DNMT3A: variants seen among roughly 807,000 people sequenced by gnomAD.
DNMT3A encodes the protein DNA methyltransferase 3 alpha, also known as DNA (cytosine-5)-methyltransferase 3A.
Under a neutral mutation model 117.6 loss-of-function variants are expected in DNMT3A, and 267 were observed. The ratio of observed to expected loss-of-function variants is 2.27; its 90% CI spans 2.05 to 2.51. The LOEUF (loss-of-function observed/expected upper bound fraction) is 2.51, where lower values mean the gene tolerates loss of function less well. DNMT3A is among the 30% of genes most tolerant of loss of function. The pLI is 0.00. For synonymous variants in DNMT3A, 432 were observed against 474.8 expected (o/e 0.91, Z 1.17); for missense variants, 1,029 against 1,260.2 (o/e 0.82, Z 2.78).
intron 1 of DNMT3A, among the ~76,000 whole-genome samples, chr2:25,325,145 G>T (rs937767812): frequency 6.6e-6 from 1 of 152,120 alleles, no homozygotes; most frequent in African/African-American, 2.4e-5. Flanking sequence ...GTGAGCGGGG[G>T]GGGGATTTAT....
rs1349397583 is a variant in DNMT3A at position 25,230,409 on chromosome 2, A to C, written c.*3870T>G. The C allele has an allele frequency of 2.0e-5, 3 of 152,230 alleles. No homozygotes were observed. The highest frequency in any genetic ancestry group is 7.2e-5 in the African/African-American group (3 of 41,440). 9.4% of individuals were successfully genotyped at this position (152,230 alleles called of 1,614,324 possible). A position where few individuals can be genotyped will look rare whatever the true frequency, so the allele number is the denominator to read the frequency against. ...GGCAAGAGCCACGGATCTCTTTGGC[A>C]TCATGCGCCACCTGGCACCTGCAGG... On this transcript the variant is annotated 3_prime_UTR_variant, in exon 23 of 23. Transcript: ENST00000321117.
intron 6 of DNMT3A, among the ~76,000 whole-genome samples, chr2:25,263,340 A>G (rs1676768164): frequency 6.6e-6 from 1 of 152,086 alleles, no homozygotes. Context: ...CTCTTTACAC[A>G]GGAGCACAGA....
intron 3 of DNMT3A, among the ~76,000 whole-genome samples, 195 bp downstream of exon 3, chr2:25,299,940 GTAAA>G (rs2033334224): frequency 6.6e-6 from 1 of 151,984 alleles, no homozygotes; most frequent in Non-Finnish European, 1.5e-5. Flanking sequence ...CAGTAAAAAA[GTAAA>G]TAAATAAATA....
chr2:25,275,223 G>T, intron 5 of DNMT3A, 136 bp from the exon 6 acceptor site: 2 of 1,300,348 alleles, frequency 1.5e-6, no homozygotes, highest in Non-Finnish European at 2.0e-6. Context: ...GGCAGGCCCC[G>T]TGTGGGCTGG....
chr2:25,275,412 C>CCCCCCCCCCCCCCCCCCCA, intron 5 of DNMT3A, 88 bp downstream of exon 5: 1 of 1,407,048 alleles, frequency 7.1e-7, no homozygotes, highest in South Asian at 1.3e-5. Context: ...GAGGAGGGGC[C>CCCCCCCCCCCCCCCCCCCA]CACCCTCCGC....
chr2:25,339,148 G>A lies in DNMT3A; in HGVS notation c.-178+2678C>T, dbSNP rs1241503576. ...GGAAGCCTTCCCCTATTACTGCCAT[G>A]TGCCGAAAAACAGACCACCCTGTCC... On this transcript the variant is annotated intron_variant, in intron 1 of 22. Transcript: ENST00000321117. This position sits in a 1 kb window ranked among gnomAD's most constrained non-coding sequence, Gnocchi z 4.9. Among the ~76,000 whole-genome samples, 1 of 151,920 alleles carries A rather than the reference G, an allele frequency of 6.6e-6. No individual in the cohort carries two copies. Among genetic ancestry groups the A allele is most frequent in the Non-Finnish European group, 1.5e-5 (1 of 67,974 alleles).
chr2:25,249,170 T>A (rs974749206), intron 6 of DNMT3A, among the ~76,000 whole-genome samples: 2 of 152,176 alleles, frequency 1.3e-5, no homozygotes, highest in African/African-American at 4.8e-5. Context: ...GCAGGGAGGA[T>A]CACTTGAGCC....
chr2:25,247,430 C>G lies in DNMT3A; in HGVS notation c.1014+161G>C. The stretch of plus-strand genomic sequence containing the variant: ...TAGCTCTCTGAGCCACAGGTGCAAC[C>G]TAATTATCCCTACAGCTTCTTCCAC... On this transcript the variant is annotated intron_variant, in intron 8 of 22. Transcript: ENST00000321117. The surrounding 1 kb of genome is among the most constrained non-coding windows in gnomAD (Gnocchi z 5.6). The G allele has an allele frequency of 8.6e-7, 1 of 1,168,148 alleles. No homozygotes were observed. The highest frequency in any genetic ancestry group is 1.6e-5 in the South Asian group (1 of 63,754). 72.4% of individuals were successfully genotyped at this position (1,168,148 alleles called of 1,614,324 possible).
intron 6 of DNMT3A, among the ~76,000 whole-genome samples, chr2:25,267,560 C>T (rs2030472131): frequency 6.6e-6 from 1 of 152,230 alleles, no homozygotes; most frequent in Admixed American, 6.5e-5. Context: ...GCCAATGGAG[C>T]AGGACCCTGT....
intron 1 of DNMT3A, among the ~76,000 whole-genome samples, chr2:25,325,599 G>A (rs2034756998): frequency 1.3e-5 from 2 of 152,116 alleles, no homozygotes; most frequent in South Asian, 4.1e-4. Flanking sequence ...TCGGGGGAGA[G>A]TGCTCCCACC....
chr2:25,341,533 C>G (rs1195596359), intron 1 of DNMT3A, among the ~76,000 whole-genome samples: 3 of 138,316 alleles, frequency 2.2e-5, no homozygotes, highest in African/African-American at 5.2e-5. Context: ...AGCCCGGAGC[C>G]GGGCGGGGGC....
intron 1 of DNMT3A, among the ~76,000 whole-genome samples, chr2:25,317,431 G>C (rs1044230231): frequency 4.6e-5 from 7 of 152,204 alleles, no homozygotes; most frequent in African/African-American, 1.7e-4. Flanking sequence ...CAACAAAATT[G>C]TGGAATCTGG....
intron 1 of DNMT3A, among the ~76,000 whole-genome samples, chr2:25,328,165 T>TA (rs1420671294): frequency 1.3e-5 from 2 of 152,228 alleles, no homozygotes; most frequent in Non-Finnish European, 2.9e-5. Flanking sequence ...ACTGTACACT[T>TA]ATATGGGTGA....
intron 6 of DNMT3A, among the ~76,000 whole-genome samples, chr2:25,270,996 C>T (rs1435579956): frequency 1.3e-5 from 2 of 151,688 alleles, no homozygotes; most frequent in African/African-American, 4.9e-5. Context: ...TGCACTCCAG[C>T]TTGGGCAACA....
intron 6 of DNMT3A, among the ~76,000 whole-genome samples, chr2:25,268,490 A>G (rs2030567967): frequency 6.6e-6 from 1 of 152,190 alleles, no homozygotes; most frequent in South Asian, 2.1e-4. Context: ...GGGAGGGCTA[A>G]TGAAGCGAGA....
In DNMT3A at chr2:25,234,291, A is replaced by T; in HGVS notation, c.2727T>A (p.Phe909Leu). Reference protein sequence around the residue: ...RHLFAPLKEYFACV With the variant: ...RHLFAPLKEYLACV ...GCCCCCATGTCCCTTACACACACGC[A>T]AAATACTCCTTCAGCGGAGCGAAGA... is the stretch of plus-strand genomic sequence containing the variant. Residue 909 changes from phenylalanine to leucine, a missense_variant, in exon 23 of 23, where the codon TTT (phenylalanine) becomes TTA (leucine). By Grantham distance (22) the Phe-to-Leu change is conservative. Transcript: ENST00000321117. This position sits in a 1 kb window ranked among gnomAD's most constrained non-coding sequence, Gnocchi z 4.5. 6.2e-7 allele frequency: 1 copy of T among 1,613,570 alleles called. No homozygotes were observed. Among genetic ancestry groups the T allele is most frequent in the South Asian group, 1.1e-5 (1 of 90,992 alleles).
Position 25,298,023 on chromosome 2 carries a change from C to T in DNMT3A, c.177+2116G>A, listed in dbSNP as rs2033199542. Among the ~76,000 whole-genome samples the T allele has an allele frequency of 6.6e-6, 1 of 152,254 alleles. No individual in the cohort carries two copies. Among genetic ancestry groups the T allele is most frequent in the South Asian group, 2.1e-4 (1 of 4,834 alleles). On this transcript the variant is annotated intron_variant, in intron 3 of 22. Transcript: ENST00000321117. The surrounding 1 kb of genome is among the most constrained non-coding windows in gnomAD (Gnocchi z 4.3). ...GCCTCCTGAAGAGGAAAGGTTTGGCCAGGCGGGGGCAGGCCCGACCTTTGC... is the reference window on the plus strand; with the variant it reads ...GCCTCCTGAAGAGGAAAGGTTTGGCTAGGCGGGGGCAGGCCCGACCTTTGC...
chr2:25,331,551 A>T (rs1456807541), intron 1 of DNMT3A, among the ~76,000 whole-genome samples: 1 of 152,178 alleles, frequency 6.6e-6, no homozygotes, highest in Non-Finnish European at 1.5e-5. Context: ...TGCTCGCCGC[A>T]GGTCCTGGGT....
chr2:25,283,156 A>G (rs2032019402), intron 3 of DNMT3A, among the ~76,000 whole-genome samples: 1 of 152,128 alleles, frequency 6.6e-6, no homozygotes, highest in African/African-American at 2.4e-5. Flanking sequence ...TGAGGTCGGG[A>G]GTTTAAGAGC....
Sources: allele counts gnomAD v4.1 joint callset (sites outside exome capture counted in the v4.1 genomes callset), GRCh38; gene constraint gnomAD v4.1.1; non-coding constraint Gnocchi (gnomAD v3.1); transcripts MANE v1.5; gene names NCBI Gene and HGNC (gene_info 2026-07-23, HGNC 2026-07-21).